The following MID1 variants were observed in gnomAD, a reference collection of about 807,000 sequenced individuals.
MID1 encodes midline 1.
Under a neutral mutation model 40.4 loss-of-function variants are expected in MID1, and 7 were observed. The observed-to-expected ratio is 0.17, with a 90% CI of 0.10 to 0.33. MID1 has a LOEUF of 0.33. Among genes scored for constraint, MID1 ranks in the 10% least tolerant of loss-of-function variants. The pLI is 1.00. For missense variants in MID1, 367 were observed against 558.5 expected (o/e 0.66, Z 3.46); for synonymous variants, 229 against 221.2 (o/e 1.04, Z -0.31).
intron 1 of MID1, among the ~76,000 whole-genome samples, chrX:10,599,524 G>A (rs981204898): frequency 5.3e-5 from 6 of 112,526 alleles, no homozygotes; most frequent in Admixed American, 9.4e-5. Flanking sequence ...ATGGTGGAAA[G>A]AGAAGGAAAA....
chrX:10,446,618 G>A lies in MID1; in HGVS notation c.*2750C>T, dbSNP rs754996006. 1 of 112,293 alleles carries A rather than the reference G, an allele frequency of 8.9e-6. No homozygotes were observed. The highest frequency in any genetic ancestry group is 1.9e-5 in the Non-Finnish European group (1 of 53,288). The allele number at this position is 112,293 out of a possible 1,213,427, so 9.3% of individuals were successfully genotyped here. A position where few individuals can be genotyped will look rare whatever the true frequency, so the allele number is the denominator to read the frequency against. ...AGATTTCTTTATTTGTATCCACCAG[G>A]AAGAGAGGTACCACGTTTCTGAGTT... On this transcript the variant is annotated 3_prime_UTR_variant, in exon 10 of 10. Transcript: ENST00000317552.
At chrX:10,730,755 T>A (rs1222148156) in intron 1 of MID1, among the ~76,000 whole-genome samples, 1 of 109,031 alleles carries the variant, frequency 9.2e-6, no homozygotes, top group Non-Finnish European at 1.9e-5. Context: ...GTATTTTTTT[T>A]AGTATAGAAG....
Position 10,567,119 on chromosome X carries a change from G to A in MID1, c.429C>T (p.Asp143=), listed in dbSNP as rs940133334. 2.5e-6 allele frequency: 3 copies of A among 1,211,403 alleles called. No homozygotes were observed. The highest frequency in any genetic ancestry group is 1.7e-5 in the African/African-American group (1 of 57,729). Residue 143 remains aspartate, a synonymous_variant, in exon 2 of 10, where the codon GAC becomes GAT. Transcript: ENST00000317552. ...TCGGGTGAGTGGCTTTCAGGCACTC[G>A]TCACAGTAGGATACTTCACAAGTGA... is the stretch of plus-strand genomic sequence containing the variant. ...TCVTCEVSYC[D]ECLKATHPNK... is the part of the protein sequence containing the mutation.
At chrX:10,590,756 A>C (rs1188756661) in intron 1 of MID1, among the ~76,000 whole-genome samples, 2 of 112,321 alleles carry the variant, frequency 1.8e-5, no homozygotes, top group Non-Finnish European at 1.9e-5. Context: ...CTTTGAGATA[A>C]ATTATAAATG....
At chrX:10,777,804 T>A (rs1164798971) in intron 1 of MID1, among the ~76,000 whole-genome samples, 1 of 111,968 alleles carries the variant, frequency 8.9e-6, no homozygotes, top group African/African-American at 3.2e-5. Flanking sequence ...TTCCCAAATC[T>A]ATTCTTTTTA....
intron 1 of MID1, among the ~76,000 whole-genome samples, chrX:10,829,303 G>A (rs759502832): frequency 2.7e-5 from 3 of 111,692 alleles, no homozygotes; most frequent in Non-Finnish European, 5.6e-5. Context: ...ATTCTGTCAC[G>A]TGTTAAAACT....
At chrX:10,545,398 T>A (rs1190024761) in intron 2 of MID1, among the ~76,000 whole-genome samples, 1 of 112,308 alleles carries the variant, frequency 8.9e-6, no homozygotes, top group Non-Finnish European at 1.9e-5. Flanking sequence ...TTTCTTTCGT[T>A]AAGTGTGGGA....
intron 1 of MID1, among the ~76,000 whole-genome samples, chrX:10,688,393 T>A (rs755004612): frequency 9.9e-5 from 11 of 111,667 alleles, no homozygotes; most frequent in Non-Finnish European, 2.1e-4. Flanking sequence ...CTGACAAATA[T>A]TTTCCTCCTT....
At chrX:10,596,685 C>T (rs1225165735) in intron 1 of MID1, among the ~76,000 whole-genome samples, 8 of 111,367 alleles carry the variant, frequency 7.2e-5, no homozygotes, top group Non-Finnish European at 1.5e-4. Context: ...TGTAACCTGA[C>T]ATTTTGCTAA....
chrX:10,717,432 A>T (rs1372018628), intron 1 of MID1, among the ~76,000 whole-genome samples: 1 of 110,078 alleles, frequency 9.1e-6, no homozygotes, highest in Non-Finnish European at 1.9e-5. Context: ...ACCAACAAAG[A>T]TCAAAAGAGA....
chrX:10,820,464 A>G, intron 1 of MID1, among the ~76,000 whole-genome samples: 1 of 112,069 alleles, frequency 8.9e-6, no homozygotes, highest in Non-Finnish European at 1.9e-5. Flanking sequence ...AAAGATCAGG[A>G]AAGCAGAAAA....
intron 2 of MID1, among the ~76,000 whole-genome samples, chrX:10,534,110 C>G (rs1933148008): frequency 9.0e-6 from 1 of 110,651 alleles, no homozygotes; most frequent in African/African-American, 3.3e-5. Flanking sequence ...TGATGGATGT[C>G]ATACATGTTG....
intron 1 of MID1, among the ~76,000 whole-genome samples, chrX:10,788,868 C>T (rs1467622251): frequency 3.6e-5 from 4 of 112,364 alleles, no homozygotes; most frequent in Admixed American, 9.4e-5. Flanking sequence ...TGGCGGCTTA[C>T]GCCTGTAATC....
intron 4 of MID1, among the ~76,000 whole-genome samples, chrX:10,492,255 T>C (rs780783724): frequency 1.2e-4 from 14 of 112,051 alleles, no homozygotes; most frequent in Admixed American, 3.8e-4. Flanking sequence ...GTCTGCTGAT[T>C]TTGCTGGCTG....
At position 10,786,302 on chromosome X, in the gene MID1, A is replaced by C. The variant is rs750458758; in HGVS notation, c.-187+47252T>G. On this transcript the variant is annotated intron_variant, in intron 1 of 10. Transcript: ENST00000380785. Reference sequence around the variant, plus strand: ...CACACCAGTTAGAATGGCAATCATTAAAAAGTCAGGAAACAACAGGTGCTG... The same window carrying C: ...CACACCAGTTAGAATGGCAATCATTCAAAAGTCAGGAAACAACAGGTGCTG... Among the ~76,000 whole-genome samples, 37 of 110,778 alleles carry C rather than the reference A, an allele frequency of 3.3e-4. No homozygotes were observed. The South Asian group carries it at 7.4e-3, about 22-fold the overall frequency.
chrX:10,489,696 G>GTTTTTT (rs778434207), intron 4 of MID1, among the ~76,000 whole-genome samples: 5 of 95,510 alleles, frequency 5.2e-5, no homozygotes, highest in African/African-American at 1.6e-4. Context: ...TATTTTCAAA[G>GTTTTTT]TTTTTTTTTT....
chrX:10,586,406 C>T (rs1283003309), intron 1 of MID1, among the ~76,000 whole-genome samples: 1 of 111,514 alleles, frequency 9.0e-6, no homozygotes, highest in Non-Finnish European at 1.9e-5. Flanking sequence ...CTGCTCCCAT[C>T]CACGTACAGC....
intron 1 of MID1, among the ~76,000 whole-genome samples, chrX:10,712,901 A>C (rs1436463338): frequency 5.4e-5 from 6 of 110,895 alleles, no homozygotes; most frequent in Non-Finnish European, 7.6e-5. Context: ...CAGTGGCGTG[A>C]TCTCGGCTCA....
intron 1 of MID1, among the ~76,000 whole-genome samples, chrX:10,785,499 G>A (rs887796113): frequency 3.6e-5 from 4 of 111,194 alleles, no homozygotes; most frequent in African/African-American, 6.6e-5. Flanking sequence ...AAAAGAGCCC[G>A]CATCACCAAG....
Sources: gnomAD v4.1 joint callset for allele counts (sites outside exome capture counted in the v4.1 genomes callset) on GRCh38, gnomAD v4.1.1 for gene constraint, MANE v1.5 for transcripts, NCBI Gene and HGNC (gene_info 2026-07-23, HGNC 2026-07-21) for gene names.